Variants in CAB39L observed in about 807,000 individuals in gnomAD.
CAB39L encodes the protein calcium binding protein 39 like.
Under a neutral mutation model 39.1 loss-of-function variants are expected in CAB39L, and 23 were observed. The observed-to-expected ratio is 0.59, with a 90% CI of 0.42 to 0.83. The LOEUF (loss-of-function observed/expected upper bound fraction) is 0.83, where lower values mean the gene tolerates loss of function less well. Among genes scored for constraint, CAB39L ranks in the 40% least tolerant of loss-of-function variants. The pLI is 0.00. For missense variants in CAB39L, 366 were observed against 391.9 expected, an observed-to-expected ratio of 0.93 and a Z score of 0.56; for synonymous variants, 126 against 137.2, an observed-to-expected ratio of 0.92 and a Z score of 0.57.
chr13:49,347,785 G>A (rs1435809374), intron 7 of CAB39L, among the ~76,000 whole-genome samples: 1 of 152,024 alleles, frequency 6.6e-6, no homozygotes, highest in Non-Finnish European at 1.5e-5. Context: ...AACACTCGGA[G>A]CCCGGAGCCA....
chr13:49,339,498 CACTT>C (rs1464165033), intron 9 of CAB39L, among the ~76,000 whole-genome samples, 175 bp downstream of exon 9: 1 of 152,162 alleles, frequency 6.6e-6, no homozygotes. Flanking sequence ...CAGGACAGGA[CACTT>C]ACATTATTTT....
chr13:49,350,540 T>C (rs982813753), intron 7 of CAB39L, among the ~76,000 whole-genome samples: 36 of 152,178 alleles, frequency 2.4e-4, no homozygotes, highest in African/African-American at 7.5e-4. Context: ...TTGTGACAAA[T>C]ATTTTGAGTT....
intron 3 of CAB39L, among the ~76,000 whole-genome samples, chr13:49,394,172 A>C (rs958064052): frequency 1.7e-4 from 26 of 152,138 alleles, no homozygotes; most frequent in African/African-American, 6.0e-4. Flanking sequence ...AATCTGAAAG[A>C]TGGAGGGCTA....
intron 10 of CAB39L, among the ~76,000 whole-genome samples, chr13:49,323,186 T>C (rs1593907604): frequency 6.6e-6 from 1 of 152,218 alleles, no homozygotes; most frequent in Admixed American, 6.5e-5. Flanking sequence ...CCTGATGACA[T>C]GGCCAACCTC....
intron 6 of CAB39L, among the ~76,000 whole-genome samples, chr13:49,355,585 A>G (rs1955462168): frequency 6.6e-6 from 1 of 152,138 alleles, no homozygotes; most frequent in Non-Finnish European, 1.5e-5. Flanking sequence ...GTTACACCAG[A>G]AAGCAAAGAA....
intron 10 of CAB39L, among the ~76,000 whole-genome samples, chr13:49,311,783 GTGTT>G (rs1423315057): frequency 1.7e-4 from 26 of 152,324 alleles, no homozygotes; most frequent in African/African-American, 6.3e-4. Context: ...GCTGTATAAT[GTGTT>G]TGTTTTAAGC....
intron 5 of CAB39L, among the ~76,000 whole-genome samples, chr13:49,370,544 T>C (rs1955892474): frequency 6.6e-6 from 1 of 152,190 alleles, no homozygotes; most frequent in South Asian, 2.1e-4. Flanking sequence ...CACTTGCAGA[T>C]CATTCAGCTT....
chr13:49,311,954 C>A (rs1195992272), intron 10 of CAB39L, among the ~76,000 whole-genome samples: 1 of 152,176 alleles, frequency 6.6e-6, no homozygotes. Context: ...CGTGCAGTGG[C>A]ACTATCAGAG....
At chr13:49,339,644 CG>C in intron 9 of CAB39L, 32 bp downstream of exon 9, 1 of 1,525,380 alleles carries the variant, frequency 6.6e-7, no homozygotes, top group Non-Finnish European at 8.8e-7. Context: ...TATAAACTTA[CG>C]GGGACACTGA....
Position 49,350,831 on chromosome 13 carries a change from G to A in CAB39L, c.477C>T (p.Ile159=), listed in dbSNP as rs1009611829. The A allele has an allele frequency of 6.2e-7, 1 of 1,612,368 alleles. No individual in the cohort carries two copies. The highest frequency in any genetic ancestry group is 1.1e-5 in the South Asian group (1 of 90,738). ...AATCTCTGAATTGATTAGAAAAGAGGATGATTTTGGCAAGTGGTTCATGTC... is the reference window on the plus strand; with the variant it reads ...AATCTCTGAATTGATTAGAAAAGAGAATGATTTTGGCAAGTGGTTCATGTC... ...CIRHEPLAKI[I]LFSNQFRDFF... is the part of the protein sequence containing the mutation. The change falls in exon 7 of 11, where the codon ATC becomes ATT. Residue 159 remains isoleucine, a synonymous_variant. Coordinates refer to ENST00000409308, the MANE Select transcript of CAB39L (RefSeq NM_001079670.3).
rs979332707 is a variant in CAB39L at position 49,350,595 on chromosome 13, T to C, written c.564+149A>G. 10 of 566,304 alleles carry C rather than the reference T, an allele frequency of 1.8e-5. No individual in the cohort carries two copies. The African/African-American group carries it at 1.9e-4, about 11-fold the overall frequency. 35.1% of individuals were successfully genotyped at this position (566,304 alleles called of 1,614,324 possible). On this transcript the variant is annotated intron_variant, in intron 7 of 10. Coordinates refer to ENST00000409308, the MANE Select transcript of CAB39L (RefSeq NM_001079670.3). Reference sequence around the variant, plus strand: ...GACTGGCCTCATAGACTGCATTCTATTTACAGATTCCTCTTATGATCCACA... The same window carrying C: ...GACTGGCCTCATAGACTGCATTCTACTTACAGATTCCTCTTATGATCCACA...
At chr13:49,426,341 C>T (rs1429866403) in intron 3 of CAB39L, among the ~76,000 whole-genome samples, 1 of 152,230 alleles carries the variant, frequency 6.6e-6, no homozygotes, top group East Asian at 1.9e-4. Context: ...TCAACTTTGT[C>T]CTTAGTTTTC....
intron 3 of CAB39L, among the ~76,000 whole-genome samples, chr13:49,416,472 T>C (rs1400968558): frequency 6.6e-6 from 1 of 152,218 alleles, no homozygotes; most frequent in Non-Finnish European, 1.5e-5. Flanking sequence ...GGATTACAGC[T>C]CAGCAAACTG....
At chr13:49,379,405 T>C (rs1200429037) in intron 4 of CAB39L, among the ~76,000 whole-genome samples, 1 of 25,810 alleles carries the variant, frequency 3.9e-5, no homozygotes, top group African/African-American at 3.1e-4. Flanking sequence ...CCCCCAACCC[T>C]GTGCTCTCTG....
chr13:49,441,414 A>G (rs904518186), intron 1 of CAB39L, among the ~76,000 whole-genome samples: 2 of 151,846 alleles, frequency 1.3e-5, no homozygotes, highest in Admixed American at 6.6e-5. Flanking sequence ...ATCTCTCCAA[A>G]AAATTAGCCA....
chr13:49,394,164 T>C (rs1403407259), intron 3 of CAB39L, among the ~76,000 whole-genome samples: 2 of 151,926 alleles, frequency 1.3e-5, no homozygotes, highest in Admixed American at 6.5e-5. Context: ...GTGATATGAA[T>C]CTGAAAGATG....
At chr13:49,387,141 G>T (rs1314620674) in intron 3 of CAB39L, among the ~76,000 whole-genome samples, 2 of 152,192 alleles carry the variant, frequency 1.3e-5, no homozygotes, top group African/African-American at 4.8e-5. Context: ...AAACGAAGTT[G>T]TTCTTAAAGT....
Position 49,310,856 on chromosome 13 carries a change from G to A in CAB39L, c.972C>T (p.Tyr324=), listed in dbSNP as rs1953962945. 3 of 1,614,192 alleles carry A rather than the reference G, an allele frequency of 1.9e-6. No homozygotes were observed. Among genetic ancestry groups the A allele is most frequent in the Non-Finnish European group, 2.5e-6 (3 of 1,180,042 alleles). ...TCAAGTCTCGGATCTGTTTAATCAAGTAGTTCTTCTCGTCAGCGAACTGCT... is the reference window on the plus strand; with the variant it reads ...TCAAGTCTCGGATCTGTTTAATCAAATAGTTCTTCTCGTCAGCGAACTGCT... ...DDEQFADEKN[Y]LIKQIRDLKK... Residue 324 remains tyrosine (Y), a synonymous_variant, in exon 11 of 11, where the codon TAC becomes TAT. Transcript: ENST00000409308.
At chr13:49,434,303 C>T (rs1957373843) in intron 1 of CAB39L, 80 bp from the exon 2 acceptor site, 1 of 379,162 alleles carries the variant, frequency 2.6e-6, no homozygotes, top group Admixed American at 3.5e-5. Context: ...TACTTAGTAA[C>T]TGGCTAATCT....
Sources: gnomAD v4.1 joint callset for allele counts (sites outside exome capture counted in the v4.1 genomes callset) on GRCh38, gnomAD v4.1.1 for gene constraint, MANE v1.5 for transcripts, NCBI Gene and HGNC (gene_info 2026-07-23, HGNC 2026-07-21) for gene names.